MGA: variants seen among roughly 807,000 people sequenced by gnomAD.
The protein encoded by MGA is MAX gene-associated protein.
In MGA, 40 loss-of-function variants were observed where a neutral mutation model predicts 261.1. That is an observed-to-expected ratio of 0.15 (90% confidence interval 0.12 to 0.20). The LOEUF (loss-of-function observed/expected upper bound fraction) is 0.20. Ranked by LOEUF, MGA falls within the 10% of genes least tolerant of loss-of-function variation. The probability of loss-of-function intolerance (pLI) is 1.00; values close to 1 mark genes in which losing one functional copy is unlikely to be tolerated. For synonymous variants in MGA, 1,302 were observed against 1,290.6 expected (o/e 1.01, Z -0.19); for missense variants, 3,397 against 3,630.5 (o/e 0.94, Z 1.65).
intron 22 of MGA, 98 bp downstream of exon 22, chr15:41,762,460 G>GTT (rs1491528643): frequency 8.9e-5 from 17 of 190,538 alleles, no homozygotes; most frequent in East Asian, 5.8e-4. Flanking sequence ...AGTTTTGTGT[G>GTT]GTTTTTTTTT....
intron 2 of MGA, among the ~76,000 whole-genome samples, chr15:41,671,392 C>T (rs911916248): frequency 4.6e-5 from 7 of 152,068 alleles, no homozygotes; most frequent in Admixed American, 1.3e-4. Context: ...GGTGTCATCT[C>T]GGCTCACTGC....
chr15:41,646,846 T>A (rs1410875517), intron 1 of MGA, among the ~76,000 whole-genome samples: 2 of 152,220 alleles, frequency 1.3e-5, no homozygotes, highest in Non-Finnish European at 2.9e-5. Context: ...AAATTATTTC[T>A]GTAACCTGTA....
rs578115845 is a variant in MGA, at chr15:41,760,065, C to T, written c.7192-258C>T. The T allele has an allele frequency of 3.5e-3, 1,474 of 423,870 alleles. 6 individuals are homozygous for T. The highest frequency in any genetic ancestry group is 4.7e-3 in the Middle Eastern group (7 of 1,488). 26.3% of individuals were successfully genotyped at this position (423,870 alleles called of 1,614,324 possible). On this transcript the variant is annotated intron_variant, in intron 19 of 23. Transcript: ENST00000219905. The stretch of plus-strand genomic sequence containing the variant: ...ACGCCTGTAACATATACAATTTCTT[C>T]CTCATTTGAAAATCACTGAAATTTG...
intron 5 of MGA, among the ~76,000 whole-genome samples, chr15:41,707,334 G>T (rs1191976509): frequency 6.6e-6 from 1 of 152,200 alleles, no homozygotes; most frequent in Non-Finnish European, 1.5e-5. Flanking sequence ...GTTGGAGAGG[G>T]ATCTGCTTCC....
intron 7 of MGA, among the ~76,000 whole-genome samples, chr15:41,710,130 C>A (rs1351683540): frequency 1.3e-5 from 2 of 152,080 alleles, no homozygotes; most frequent in Non-Finnish European, 2.9e-5. Context: ...CACAGGCTCC[C>A]TGTTACGTTT....
intron 22 of MGA, 148 bp downstream of exon 22, chr15:41,762,510 C>T (rs1017372046): frequency 5.4e-5 from 32 of 592,590 alleles, no homozygotes; most frequent in Admixed American, 1.2e-4. Flanking sequence ...CTCTGTCGCC[C>T]AGGCTGCAGT....
intron 1 of MGA, among the ~76,000 whole-genome samples, chr15:41,631,500 T>C (rs1385405699): frequency 6.6e-6 from 1 of 152,180 alleles, no homozygotes; most frequent in African/African-American, 2.4e-5. Context: ...AGACCCTGTC[T>C]CTATGAAAAC....
At chr15:41,636,903 G>A (rs2056721070) in intron 1 of MGA, among the ~76,000 whole-genome samples, 1 of 152,096 alleles carries the variant, frequency 6.6e-6, no homozygotes, top group Non-Finnish European at 1.5e-5. Flanking sequence ...GTATCTGCAA[G>A]GGTGTCCTGG....
In MGA at chr15:41,711,133, G is replaced by A. The variant is rs2060363176; in HGVS notation, c.2868G>A (p.Val956=). ...AAAATCAGGCGAATAACTTTGTTGT[G>A]CCAACTTTGGATGAAAATATATTTC... is the stretch of plus-strand genomic sequence containing the variant. The change falls in exon 8 of 24, where the codon GTG becomes GTA. Residue 956 remains valine (V), a synonymous_variant. Coordinates refer to ENST00000219905, the MANE Select transcript of MGA (RefSeq NM_001164273.2). The A allele has an allele frequency of 6.2e-7, 1 of 1,614,000 alleles. No individual in the cohort carries two copies.
chr15:41,653,195 C>T (rs903441795), intron 1 of MGA, among the ~76,000 whole-genome samples: 5 of 151,846 alleles, frequency 3.3e-5, no homozygotes, highest in African/African-American at 1.2e-4. Flanking sequence ...GGCTAAACCC[C>T]ATCTCTACTA....
At chr15:41,708,730 GC>G (rs2060237928) in intron 7 of MGA, among the ~76,000 whole-genome samples, 1 of 152,154 alleles carries the variant, frequency 6.6e-6, no homozygotes, top group Non-Finnish European at 1.5e-5. Context: ...AATTGCTGCA[GC>G]CTTTTTAACA....
chr15:41,764,870 C>T lies in MGA; in HGVS notation c.7745-16C>T. ...AATGCCTTTTATCTATAACTAATTT[C>T]TGATCTTTCTTACAGAAAATACCTC... On this transcript the variant is annotated splice_polypyrimidine_tract_variant and intron_variant, in intron 22 of 23. Coordinates refer to ENST00000219905, the MANE Select transcript of MGA (RefSeq NM_001164273.2). 1.9e-6 allele frequency: 3 copies of T among 1,613,048 alleles called. No individual in the cohort carries two copies. Among genetic ancestry groups the T allele is most frequent in the South Asian group, 1.1e-5 (1 of 91,058 alleles).
chr15:41,741,346 C>CG (rs2062086091), intron 14 of MGA, among the ~76,000 whole-genome samples: 2 of 72,340 alleles, frequency 2.8e-5, no homozygotes, highest in South Asian at 1.2e-3. Flanking sequence ...ACTCCATCTC[C>CG]AAAAAAAAAA....
At chr15:41,640,558 C>T (rs1168439804) in intron 1 of MGA, among the ~76,000 whole-genome samples, 1 of 151,640 alleles carries the variant, frequency 6.6e-6, no homozygotes, top group Non-Finnish European at 1.5e-5. Context: ...CTCGCTCTGT[C>T]GCCCAGGCTG....
chr15:41,703,794 GT>G (rs1256639352), intron 5 of MGA, among the ~76,000 whole-genome samples: 3 of 152,092 alleles, frequency 2.0e-5, no homozygotes, highest in Non-Finnish European at 4.4e-5. Flanking sequence ...CAGTTTTAAT[GT>G]TTTGTTTTGG....
At chr15:41,629,273 A>G (rs1157416234) in intron 1 of MGA, among the ~76,000 whole-genome samples, 1 of 152,124 alleles carries the variant, frequency 6.6e-6, no homozygotes, top group Admixed American at 6.6e-5. Flanking sequence ...GAGGTGAGTG[A>G]AAGAGAGTAA....
chr15:41,630,532 A>G (rs1028027648), intron 1 of MGA, among the ~76,000 whole-genome samples: 19 of 152,204 alleles, frequency 1.2e-4, no homozygotes, highest in Non-Finnish European at 1.2e-4. Flanking sequence ...TGAGATTTTT[A>G]GGATCTTTTT....
chr15:41,670,087 C>A, intron 2 of MGA, 129 bp downstream of exon 2: 1 of 735,032 alleles, frequency 1.4e-6, no homozygotes, highest in Non-Finnish European at 2.2e-6. Flanking sequence ...AAATATACTA[C>A]AACTGCTTTT....
At chr15:41,731,844 G>A (rs1169185338) in intron 11 of MGA, among the ~76,000 whole-genome samples, 1 of 152,176 alleles carries the variant, frequency 6.6e-6, no homozygotes, top group Non-Finnish European at 1.5e-5. Context: ...TATTTGAGAA[G>A]TAAAAACACG....
Sources: gnomAD v4.1 joint callset for allele counts (sites outside exome capture counted in the v4.1 genomes callset) on GRCh38, gnomAD v4.1.1 for gene constraint, MANE v1.5 for transcripts, NCBI Gene and HGNC (gene_info 2026-07-23, HGNC 2026-07-21) for gene names.